FARS2: variants seen among roughly 807,000 people sequenced by gnomAD.
FARS2 encodes phenylalanyl-tRNA synthetase 2, mitochondrial, also known as phenylalanine--tRNA ligase, mitochondrial.
FARS2 carries 40 observed loss-of-function variants against 46.4 expected under a neutral mutation model. That is an observed-to-expected ratio of 0.86 (90% CI 0.67 to 1.12). FARS2 has a LOEUF of 1.12. FARS2 is among the 50% of genes most tolerant of loss of function. FARS2 has a pLI of 0.00. For missense variants in FARS2, 513 were observed against 567.9 expected, an observed-to-expected ratio of 0.90 and a Z score of 0.98; for synonymous variants, 234 against 214.9, an observed-to-expected ratio of 1.09 and a Z score of -0.78.
intron 4 of FARS2, among the ~76,000 whole-genome samples, chr6:5,523,497 G>A (rs575847552): frequency 5.9e-4 from 90 of 151,776 alleles, no homozygotes; most frequent in South Asian, 2.7e-3. Flanking sequence ...TTGGAAGCCC[G>A]GGCATGGGCG....
chr6:5,264,001 C>T (rs1581638923), intron 1 of FARS2, among the ~76,000 whole-genome samples: 2 of 152,250 alleles, frequency 1.3e-5, no homozygotes, highest in East Asian at 3.9e-4. Context: ...TGCTTGAGCC[C>T]AGGAGTTTGA....
intron 6 of FARS2, among the ~76,000 whole-genome samples, chr6:5,766,480 G>A (rs1431588711): frequency 6.6e-6 from 1 of 152,234 alleles, no homozygotes; most frequent in South Asian, 2.1e-4. Context: ...GTTGGTGGAA[G>A]GGCAGAGCCA....
At chr6:5,376,521 C>A (rs997559864) in intron 2 of FARS2, among the ~76,000 whole-genome samples, 1 of 151,978 alleles carries the variant, frequency 6.6e-6, no homozygotes, top group Non-Finnish European at 1.5e-5. Context: ...GCATTTTTTT[C>A]TTTAAGTGTT....
rs140686725 is a variant in FARS2, at chr6:5,619,236, T to C, written c.1217+5916T>C. On this transcript the variant is annotated intron_variant, in intron 6 of 6. Coordinates refer to ENST00000274680, the MANE Select transcript of FARS2 (RefSeq NM_006567.5). ...ATTTGGTCTGGCTTTAAGACAGACC[T>C]TTTTGAGAGTGGGAATTGGGGAGTA... 1.2e-3 allele frequency among the ~76,000 whole-genome samples: 182 copies of C among 152,278 alleles called. 1 individual carries two copies. The highest frequency in any genetic ancestry group is 3.9e-3 in the African/African-American group (160 of 41,558).
At chr6:5,550,425 C>T (rs1771303065) in intron 5 of FARS2, among the ~76,000 whole-genome samples, 1 of 152,124 alleles carries the variant, frequency 6.6e-6, no homozygotes, top group Non-Finnish European at 1.5e-5. Context: ...GTACCACGCC[C>T]AGCCAATTTT....
chr6:5,613,304 A>T lies in FARS2; in HGVS notation c.1201A>T (p.Lys401Ter), dbSNP rs763103931. The T allele has an allele frequency of 6.2e-7, 1 of 1,612,812 alleles. No homozygotes were observed. The highest frequency in any genetic ancestry group is 8.5e-7 in the Non-Finnish European group (1 of 1,179,560). Residue 401 changes from lysine (K) to a stop codon, truncating the protein, a stop_gained, in exon 6 of 7, where the codon AAG (lysine) becomes TAG (stop). Coordinates refer to ENST00000274680, the MANE Select transcript of FARS2 (RefSeq NM_006567.5). LOFTEE classifies it high-confidence loss of function. ...DLVEKVDLID[K>*]FVHPKTHKTS... is the part of the protein sequence containing the mutation. ...GGTGGAAAAGGTTGATCTCATAGAC[A>T]AGTTTGTACATCCAAAGTAAGTGAA... is the stretch of plus-strand genomic sequence containing the variant.
intron 4 of FARS2, among the ~76,000 whole-genome samples, chr6:5,431,451 G>A (rs1387636718): frequency 2.6e-5 from 4 of 152,194 alleles, no homozygotes; most frequent in African/African-American, 4.8e-5. Context: ...TTGTTGATAC[G>A]TTGCTTTGTA....
intron 5 of FARS2, among the ~76,000 whole-genome samples, chr6:5,591,518 C>T (rs1334055942): frequency 1.3e-5 from 2 of 152,228 alleles, no homozygotes; most frequent in Non-Finnish European, 2.9e-5. Context: ...GAGATATGGG[C>T]GATCCAGGTG....
intron 6 of FARS2, among the ~76,000 whole-genome samples, chr6:5,691,462 C>T (rs921237935): frequency 1.1e-4 from 16 of 152,138 alleles, no homozygotes; most frequent in Non-Finnish European, 2.1e-4. Flanking sequence ...CACTCCAGAC[C>T]GTGTTTGCCT....
At chr6:5,333,314 G>A (rs1431106538) in intron 1 of FARS2, among the ~76,000 whole-genome samples, 1 of 152,102 alleles carries the variant, frequency 6.6e-6, no homozygotes, top group Non-Finnish European at 1.5e-5. Context: ...TGACCATTTT[G>A]CAGATAAGGA....
At chr6:5,636,000 A>C (rs1776528448) in intron 6 of FARS2, among the ~76,000 whole-genome samples, 1 of 152,190 alleles carries the variant, frequency 6.6e-6, no homozygotes, top group Non-Finnish European at 1.5e-5. Flanking sequence ...CACATAAGCT[A>C]CTAGACATCT....
At chr6:5,376,554 A>G (rs1759394851) in intron 2 of FARS2, among the ~76,000 whole-genome samples, 1 of 152,200 alleles carries the variant, frequency 6.6e-6, no homozygotes, top group Admixed American at 6.5e-5. Context: ...AAACCCATCA[A>G]GAGGAGCAAG....
chr6:5,528,614 G>A (rs190075885), intron 4 of FARS2, among the ~76,000 whole-genome samples: 1 of 152,316 alleles, frequency 6.6e-6, no homozygotes, highest in African/African-American at 2.4e-5. Context: ...CTCAGTGGCA[G>A]TCCTAGCACC....
chr6:5,301,885 A>G (rs1445841806), intron 1 of FARS2, among the ~76,000 whole-genome samples: 1 of 151,878 alleles, frequency 6.6e-6, no homozygotes, highest in African/African-American at 2.4e-5. Context: ...CCACACAAGT[A>G]AGGGTTATGT....
At chr6:5,492,757 A>G (rs1767201059) in intron 4 of FARS2, among the ~76,000 whole-genome samples, 1 of 152,254 alleles carries the variant, frequency 6.6e-6, no homozygotes, top group South Asian at 2.1e-4. Flanking sequence ...AGGGAGTCCC[A>G]GTTGCAGAGG....
intron 5 of FARS2, among the ~76,000 whole-genome samples, chr6:5,596,999 T>C (rs768712806): frequency 2.2e-4 from 34 of 152,206 alleles, no homozygotes; most frequent in Non-Finnish European, 4.4e-5. Flanking sequence ...TGACAATGTG[T>C]GAGGTGCTGA....
At chr6:5,667,012 A>G (rs1375977211) in intron 6 of FARS2, among the ~76,000 whole-genome samples, 1 of 152,172 alleles carries the variant, frequency 6.6e-6, no homozygotes, top group Non-Finnish European at 1.5e-5. Flanking sequence ...AGTGGGAGCT[A>G]AATGTTGCAA....
intron 1 of FARS2, among the ~76,000 whole-genome samples, chr6:5,332,163 C>T (rs975207024): frequency 2.0e-5 from 3 of 152,146 alleles, no homozygotes; most frequent in Admixed American, 6.5e-5. Flanking sequence ...GACTGTGTAA[C>T]TTTAGAGACA....
chr6:5,525,440 G>A (rs1306332214), intron 4 of FARS2, among the ~76,000 whole-genome samples: 2 of 152,094 alleles, frequency 1.3e-5, no homozygotes, highest in African/African-American at 4.8e-5. Flanking sequence ...AGGTTTTATT[G>A]TAAGTAGTTG....
Sources: gnomAD v4.1 joint callset for allele counts (sites outside exome capture counted in the v4.1 genomes callset) on GRCh38, gnomAD v4.1.1 for gene constraint, MANE v1.5 for transcripts, NCBI Gene and HGNC (gene_info 2026-07-23, HGNC 2026-07-21) for gene names.